Variants in FRMPD4 observed in about 807,000 individuals in gnomAD.
FRMPD4 encodes FERM and PDZ domain containing 4.
In FRMPD4, 22 loss-of-function variants were observed where a neutral mutation model predicts 94.1. That is an observed-to-expected ratio of 0.23 (90% CI 0.17 to 0.33). FRMPD4 has a LOEUF of 0.33. Among genes scored for constraint, FRMPD4 ranks in the 10% least tolerant of loss-of-function variants. The pLI, the probability that FRMPD4 is intolerant of heterozygous loss-of-function variation, is 1.00. For missense variants in FRMPD4, 1,111 were observed against 1,339.9 expected, an observed-to-expected ratio of 0.83 and a Z score of 2.67; for synonymous variants, 631 against 548.6, an observed-to-expected ratio of 1.15 and a Z score of -2.10.
At chrX:12,084,691 T>C (rs1413396301) in intron 3 of FRMPD4, among the ~76,000 whole-genome samples, 1 of 112,221 alleles carries the variant, frequency 8.9e-6, no homozygotes. Flanking sequence ...AGCAGAATGG[T>C]ATAATTGATA....
At chrX:12,664,844 T>C (rs2059758825) in intron 4 of FRMPD4, among the ~76,000 whole-genome samples, 2 of 112,070 alleles carry the variant, frequency 1.8e-5, no homozygotes, top group African/African-American at 3.2e-5. Flanking sequence ...GGGCTTTTTT[T>C]GGTTTGTAGG....
chrX:12,703,170 A>G (rs1417363038), intron 10 of FRMPD4, among the ~76,000 whole-genome samples: 1 of 112,745 alleles, frequency 8.9e-6, no homozygotes, highest in Non-Finnish European at 1.9e-5. Flanking sequence ...AATTCCTTTG[A>G]CCAACAAATA....
intron 1 of FRMPD4, among the ~76,000 whole-genome samples, chrX:12,391,791 C>T (rs1435355012): frequency 1.8e-5 from 2 of 111,008 alleles, no homozygotes; most frequent in Admixed American, 1.9e-4. Flanking sequence ...TGTCAAGATG[C>T]AAGACTAACA....
chrX:11,929,134 G>A (rs1334975056), intron 3 of FRMPD4, among the ~76,000 whole-genome samples: 2 of 111,896 alleles, frequency 1.8e-5, no homozygotes, highest in Non-Finnish European at 3.8e-5. Flanking sequence ...GAGAGGATCA[G>A]GAAAAATAAC....
intron 1 of FRMPD4, among the ~76,000 whole-genome samples, chrX:12,441,376 T>TA (rs1315555367): frequency 8.9e-6 from 1 of 112,462 alleles, no homozygotes; most frequent in Non-Finnish European, 1.9e-5. Flanking sequence ...ATATTACAAT[T>TA]AAAAATAACA....
intron 1 of FRMPD4, among the ~76,000 whole-genome samples, chrX:12,192,055 T>C (rs66538107): frequency 0.28 from 30,549 of 111,000 alleles, 3,256 homozygotes; most frequent in Non-Finnish European, 0.35. Flanking sequence ...ACAAAGTCCA[T>C]TAAAAGTTAA....
chrX:12,190,246 A>T (rs1241947810), intron 1 of FRMPD4, among the ~76,000 whole-genome samples: 1 of 111,738 alleles, frequency 8.9e-6, no homozygotes, highest in African/African-American at 3.2e-5. Flanking sequence ...ATGTTCTTGG[A>T]TAGGAAGACT....
intron 1 of FRMPD4, among the ~76,000 whole-genome samples, chrX:12,435,847 A>G (rs2057060437): frequency 9.0e-6 from 1 of 111,620 alleles, no homozygotes; most frequent in African/African-American, 3.3e-5. Flanking sequence ...AACTTGGATT[A>G]CTGGCCCAAT....
At chrX:12,188,369 T>A (rs182435371) in intron 1 of FRMPD4, among the ~76,000 whole-genome samples, 5 of 111,912 alleles carry the variant, frequency 4.5e-5, no homozygotes, top group African/African-American at 9.7e-5. Context: ...TAATGCATAG[T>A]ATTGTTTAAA....
At chrX:12,253,123 A>G (rs1256204768) in intron 1 of FRMPD4, among the ~76,000 whole-genome samples, 1 of 112,059 alleles carries the variant, frequency 8.9e-6, no homozygotes, top group Non-Finnish European at 1.9e-5. Context: ...AAGTGCAGAA[A>G]TGTTTTTTGA....
intron 3 of FRMPD4, among the ~76,000 whole-genome samples, chrX:12,020,732 G>A (rs1262397155): frequency 1.8e-5 from 2 of 111,878 alleles, no homozygotes; most frequent in Admixed American, 1.9e-4. Flanking sequence ...GAGCCCTGCA[G>A]TATGCATCCA....
intron 1 of FRMPD4, among the ~76,000 whole-genome samples, chrX:12,164,026 A>AT (rs1214380780): frequency 2.8e-5 from 3 of 107,853 alleles, no homozygotes; most frequent in African/African-American, 1.0e-4. Context: ...TTTATTTTTT[A>AT]TTTTTTTGCC....
chrX:12,153,052 G>A, intron 1 of FRMPD4, among the ~76,000 whole-genome samples: 1 of 107,717 alleles, frequency 9.3e-6, no homozygotes, highest in Middle Eastern at 4.8e-3. Flanking sequence ...TCCTGCCTCA[G>A]CCTCCCGAGT....
At chrX:12,117,762 C>T (rs936381583) in intron 3 of FRMPD4, among the ~76,000 whole-genome samples, 3 of 111,869 alleles carry the variant, frequency 2.7e-5, no homozygotes, top group African/African-American at 9.8e-5. Context: ...CTGGACAGAC[C>T]ACCCTCCCTC....
At chrX:11,870,148 C>T (rs1383656189) in intron 2 of FRMPD4, among the ~76,000 whole-genome samples, 1 of 111,936 alleles carries the variant, frequency 8.9e-6, no homozygotes, top group Admixed American at 9.5e-5. Flanking sequence ...GTGTGGCAGT[C>T]CTGTGTCAGG....
At chrX:11,969,269 ATCT>A (rs1362664431) in intron 3 of FRMPD4, among the ~76,000 whole-genome samples, 1 of 112,162 alleles carries the variant, frequency 8.9e-6, no homozygotes, top group Non-Finnish European at 1.9e-5. Flanking sequence ...TGCCTTGAAA[ATCT>A]TCTTGGGTGA....
At chrX:12,134,676 A>T (rs1420821050), upstream of FRMPD4, among the ~76,000 whole-genome samples, 1 of 112,211 alleles carries the variant, frequency 8.9e-6, no homozygotes, top group Non-Finnish European at 1.9e-5. Context: ...GGGGCATAAA[A>T]AATGCTACAG....
chrX:12,226,078 G>C (rs776492720), intron 1 of FRMPD4, among the ~76,000 whole-genome samples: 2 of 111,609 alleles, frequency 1.8e-5, no homozygotes, highest in Non-Finnish European at 3.8e-5. Context: ...TGTTTTCTTT[G>C]TTTCTGTTTT....
At chrX:12,656,300 G>T (rs185401066) in intron 4 of FRMPD4, among the ~76,000 whole-genome samples, 4 of 112,314 alleles carry the variant, frequency 3.6e-5, no homozygotes, top group African/African-American at 6.5e-5. Flanking sequence ...CAGAGTCATT[G>T]GTTGAACACA....
Sources: allele counts gnomAD v4.1 joint callset (sites outside exome capture counted in the v4.1 genomes callset), GRCh38; gene constraint gnomAD v4.1.1; transcripts MANE v1.5; gene names NCBI Gene and HGNC (gene_info 2026-07-23, HGNC 2026-07-21).